Variants in PRORP observed in about 807,000 individuals in gnomAD.
PRORP encodes mitochondrial ribonuclease P catalytic subunit.
A neutral mutation model predicts 59.4 loss-of-function variants in PRORP; 51 were observed. The ratio of observed to expected loss-of-function variants is 0.86; its 90% confidence interval spans 0.69 to 1.08. PRORP has a LOEUF of 1.08. Ranked by LOEUF, PRORP falls within the 50% of genes least tolerant of loss-of-function variation. The pLI is 0.00. For missense variants in PRORP, 646 were observed against 690.3 expected, an observed-to-expected ratio of 0.94 and a Z score of 0.72; for synonymous variants, 231 against 245.6, an observed-to-expected ratio of 0.94 and a Z score of 0.55.
intron 4 of PRORP, among the ~76,000 whole-genome samples, chr14:35,135,687 T>G (rs1322633101): frequency 6.6e-6 from 1 of 152,094 alleles, no homozygotes; most frequent in Non-Finnish European, 1.5e-5. Context: ...AGGCCGGGCA[T>G]AGTGGCTTAT....
intron 4 of PRORP, among the ~76,000 whole-genome samples, chr14:35,129,079 A>G (rs1028283457): frequency 2.0e-5 from 3 of 151,754 alleles, no homozygotes; most frequent in Non-Finnish European, 2.9e-5. Flanking sequence ...ATGGCGGCGC[A>G]CGCTGGTAAT....
chr14:35,184,447 C>T (rs1174792553), intron 5 of PRORP, among the ~76,000 whole-genome samples: 2 of 152,224 alleles, frequency 1.3e-5, no homozygotes, highest in South Asian at 2.1e-4. Flanking sequence ...CTATACATTG[C>T]CACCTCAGTT....
At chr14:35,241,017 A>G (rs2050351833) in intron 5 of PRORP, among the ~76,000 whole-genome samples, 2 of 152,218 alleles carry the variant, frequency 1.3e-5, no homozygotes, top group South Asian at 2.1e-4. Context: ...AATACAGTAT[A>G]ACAACTACTT....
At chr14:35,146,223 G>A (rs973803740) in intron 4 of PRORP, among the ~76,000 whole-genome samples, 29 of 152,216 alleles carry the variant, frequency 1.9e-4, no homozygotes, top group African/African-American at 7.0e-4. Context: ...AATGATTTAG[G>A]ATTCTCCTTT....
At chr14:35,251,971 C>T (rs776386353) in intron 5 of PRORP, among the ~76,000 whole-genome samples, 17 of 151,856 alleles carry the variant, frequency 1.1e-4, no homozygotes, top group Non-Finnish European at 1.6e-4. Flanking sequence ...CTACCTTGGA[C>T]CAGAATACAA....
At chr14:35,258,526 T>A (rs946865592) in intron 5 of PRORP, among the ~76,000 whole-genome samples, 2 of 152,084 alleles carry the variant, frequency 1.3e-5, no homozygotes, top group African/African-American at 4.8e-5. Flanking sequence ...AATTCTAAGA[T>A]GATAAGTCTG....
chr14:35,212,048 T>A (rs1445337836), intron 5 of PRORP, among the ~76,000 whole-genome samples: 1 of 152,230 alleles, frequency 6.6e-6, no homozygotes, highest in East Asian at 1.9e-4. Context: ...GGAGTACATT[T>A]TGATTCTGTC....
At chr14:35,128,656 T>G (rs2047157640) in intron 4 of PRORP, among the ~76,000 whole-genome samples, 2 of 152,332 alleles carry the variant, frequency 1.3e-5, no homozygotes, top group South Asian at 4.1e-4. Context: ...AATGATCCTT[T>G]GAATTTCTGC....
In PRORP at chr14:35,123,204, T is replaced by C. The variant is rs182822754; in HGVS notation, c.-42T>C. ...AATTTTGCCATAGAAGAGGGGTTTT[T>C]TCAACATCTCTCTCACTATCTGGTG... On this transcript the variant is annotated 5_prime_UTR_variant, in exon 2 of 8. Coordinates refer to ENST00000534898, the MANE Select transcript of PRORP (RefSeq NM_014672.4). 62 of 1,561,076 alleles carry C rather than the reference T, an allele frequency of 4.0e-5. No individual in the cohort carries two copies. In the African/African-American group the frequency reaches 8.1e-4, roughly 20 times the overall value.
chr14:35,155,343 G>A (rs1158857547), intron 4 of PRORP, among the ~76,000 whole-genome samples: 1 of 152,080 alleles, frequency 6.6e-6, no homozygotes, highest in Non-Finnish European at 1.5e-5. Context: ...GATAAAGCTA[G>A]TTTATGGGTT....
At chr14:35,267,054 A>G (rs186991127) in intron 6 of PRORP, among the ~76,000 whole-genome samples, 179 bp downstream of exon 6, 1 of 152,172 alleles carries the variant, frequency 6.6e-6, no homozygotes, top group Non-Finnish European at 1.5e-5. Context: ...AAAGAAAAAC[A>G]CTACAGTTTC....
intron 5 of PRORP, among the ~76,000 whole-genome samples, chr14:35,237,282 A>C (rs2050246635): frequency 6.6e-6 from 1 of 151,936 alleles, no homozygotes; most frequent in Non-Finnish European, 1.5e-5. Flanking sequence ...TCGTAGAGAC[A>C]AAGTCTCCCT....
In PRORP at chr14:35,215,239, C is replaced by T. The variant is rs1057193735; in HGVS notation, c.1275+34462C>T. On this transcript the variant is annotated intron_variant, in intron 5 of 7. Transcript: ENST00000534898. The stretch of plus-strand genomic sequence containing the variant: ...ATTCAAGCAGGTTGCCTGTGAAGAA[C>T]AATGCATTTCTTCCAAAAGAGGGTG... Among the ~76,000 whole-genome samples the T allele has an allele frequency of 3.9e-5, 6 of 152,208 alleles. No homozygotes were observed. In the South Asian group the frequency reaches 1.2e-3, roughly 32 times the overall value.
chr14:35,123,268 T>A lies in PRORP; in HGVS notation c.23T>A (p.Ile8Asn). MTFYLFG[I>N]RSFPKLWKSP... is the part of the protein sequence containing the mutation. ...ATAATGACTTTCTATTTGTTTGGTA[T>A]TCGAAGCTTTCCGAAGCTTTGGAAG... is the stretch of plus-strand genomic sequence containing the variant. Residue 8 changes from isoleucine to asparagine, a missense_variant, in exon 2 of 8, where the codon ATT (isoleucine) becomes AAT (asparagine). Transcript: ENST00000534898. 6.2e-7 allele frequency: 1 copy of A among 1,611,292 alleles called. No individual in the cohort carries two copies. Among genetic ancestry groups the A allele is most frequent in the South Asian group, 1.1e-5 (1 of 91,068 alleles).
intron 5 of PRORP, among the ~76,000 whole-genome samples, chr14:35,225,064 A>G (rs1452251212): frequency 6.6e-6 from 1 of 152,172 alleles, no homozygotes; most frequent in Non-Finnish European, 1.5e-5. Flanking sequence ...AAGTGTTGCT[A>G]GTATCAGAAA....
chr14:35,234,268 G>T (rs1008084743), intron 5 of PRORP, among the ~76,000 whole-genome samples: 1 of 152,198 alleles, frequency 6.6e-6, no homozygotes, highest in African/African-American at 2.4e-5. Context: ...TTCTGTAGCC[G>T]TGTGTTTCAC....
At chr14:35,196,215 C>G (rs752743124) in intron 5 of PRORP, among the ~76,000 whole-genome samples, 1 of 152,224 alleles carries the variant, frequency 6.6e-6, no homozygotes, top group African/African-American at 2.4e-5. Flanking sequence ...TGGCTCATAC[C>G]TGTAATCCCA....
At chr14:35,161,313 A>AGGGTTAGGG (rs2048053992) in intron 4 of PRORP, among the ~76,000 whole-genome samples, 1 of 152,164 alleles carries the variant, frequency 6.6e-6, no homozygotes, top group African/African-American at 2.4e-5. Context: ...ACCCCACTTT[A>AGGGTTAGGG]TTCCTGAGGA....
At chr14:35,162,059 C>G (rs2048074433) in intron 4 of PRORP, among the ~76,000 whole-genome samples, 1 of 151,902 alleles carries the variant, frequency 6.6e-6, no homozygotes. Context: ...TCTCCTCTTC[C>G]CCTTCTCTTT....
Sources: gnomAD v4.1 joint callset for allele counts (sites outside exome capture counted in the v4.1 genomes callset) on GRCh38, gnomAD v4.1.1 for gene constraint, MANE v1.5 for transcripts, NCBI Gene and HGNC (gene_info 2026-07-23, HGNC 2026-07-21) for gene names.